The following ROBO2 variants were observed in gnomAD, a reference collection of about 807,000 sequenced individuals.
ROBO2 encodes roundabout homolog 2.
Under a neutral mutation model 160.8 loss-of-function variants are expected in ROBO2, and 53 were observed. That is an observed-to-expected ratio of 0.33 (90% CI 0.26 to 0.41). The LOEUF (loss-of-function observed/expected upper bound fraction) is 0.41. Among genes scored for constraint, ROBO2 ranks in the 10% least tolerant of loss-of-function variants. The pLI, the probability that ROBO2 is intolerant of heterozygous loss-of-function variation, is 1.00. For missense variants in ROBO2, 1,577 were observed against 1,722.4 expected, an observed-to-expected ratio of 0.92 and a Z score of 1.49; for synonymous variants, 664 against 611.7, an observed-to-expected ratio of 1.09 and a Z score of -1.26.
At chr3:76,305,846 C>CAA (rs556475405) in intron 2 of ROBO2, among the ~76,000 whole-genome samples, 3 of 138,998 alleles carry the variant, frequency 2.2e-5, no homozygotes, top group African/African-American at 7.9e-5. Context: ...GACTCCATCT[C>CAA]AAAAAAAAAA....
intron 24 of ROBO2, 83 bp downstream of exon 25, chr3:77,635,126 G>T: frequency 6.8e-7 from 1 of 1,475,136 alleles, no homozygotes; most frequent in Middle Eastern, 1.7e-4. Flanking sequence ...TGTAGTCATG[G>T]TAGATTAGCC....
At chr3:77,639,487 C>T (rs77645545) in intron 24 of ROBO2, among the ~76,000 whole-genome samples, 1,670 of 152,098 alleles carry the variant, frequency 0.011, 35 homozygotes, top group African/African-American at 0.039. Context: ...ACCAGGAAGT[C>T]AGCATTTCAG....
chr3:77,551,599 T>C (rs965569073), intron 8 of ROBO2, among the ~76,000 whole-genome samples: 1 of 152,072 alleles, frequency 6.6e-6, no homozygotes, highest in Non-Finnish European at 1.5e-5. Context: ...TCCCAGCAGT[T>C]TATTTGTCAC....
intron 2 of ROBO2, among the ~76,000 whole-genome samples, chr3:76,315,962 A>T (rs1212998104): frequency 2.0e-5 from 3 of 152,164 alleles, no homozygotes; most frequent in Non-Finnish European, 2.9e-5. Context: ...GGGTGACATC[A>T]CACATTGGTA....
chr3:77,345,012 C>A (rs2067476628), intron 2 of ROBO2, among the ~76,000 whole-genome samples: 1 of 151,988 alleles, frequency 6.6e-6, no homozygotes, highest in South Asian at 2.1e-4. Context: ...CAACAATAAG[C>A]ATGTATTAGC....
At chr3:77,086,268 CATTT>C (rs2069296084) in intron 1 of ROBO2, among the ~76,000 whole-genome samples, 1 of 151,984 alleles carries the variant, frequency 6.6e-6, no homozygotes. Context: ...TAGTAGGGAA[CATTT>C]ATTGAGTGCT....
At chr3:76,692,363 C>T (rs997667953) in intron 2 of ROBO2, among the ~76,000 whole-genome samples, 1 of 152,064 alleles carries the variant, frequency 6.6e-6, no homozygotes, top group African/African-American at 2.4e-5. Context: ...ATGAAACTCC[C>T]CAGTGCTGGT....
chr3:77,229,186 T>C (rs1398917364), intron 2 of ROBO2, among the ~76,000 whole-genome samples: 2 of 152,174 alleles, frequency 1.3e-5, no homozygotes, highest in African/African-American at 4.8e-5. Context: ...CAATGTTATA[T>C]AGCTATGTAT....
chr3:77,029,451 G>A (rs372954368), intron 2 of ROBO2, among the ~76,000 whole-genome samples: 7 of 152,114 alleles, frequency 4.6e-5, no homozygotes, highest in Non-Finnish European at 5.9e-5. Context: ...AAAGATGAGC[G>A]TTAAGCCTCT....
At chr3:76,791,930 A>T (rs1648796289) in intron 2 of ROBO2, among the ~76,000 whole-genome samples, 1 of 151,886 alleles carries the variant, frequency 6.6e-6, no homozygotes, top group South Asian at 2.1e-4. Flanking sequence ...ATAAATAATC[A>T]AGAGGTAATT....
chr3:76,460,783 G>A lies in ROBO2; in HGVS notation c.109+523181G>A, dbSNP rs181357906. Among the ~76,000 whole-genome samples the A allele has an allele frequency of 1.7e-3, 256 of 152,266 alleles. 1 individual carries two copies. The highest frequency in any genetic ancestry group is 3.1e-3 in the Non-Finnish European group (208 of 68,022). ...AGTTTCTGACCTGCGCAATATGTGAGAGAGAATACATGTTTACTGTTGTTT... is the reference window on the plus strand; with the variant it reads ...AGTTTCTGACCTGCGCAATATGTGAAAGAGAATACATGTTTACTGTTGTTT... On this transcript the variant is annotated intron_variant, in intron 2 of 26. Transcript: ENST00000487694.
chr3:76,272,758 T>C (rs1360403759), intron 2 of ROBO2, among the ~76,000 whole-genome samples: 16 of 55,036 alleles, frequency 2.9e-4, no homozygotes, highest in Non-Finnish European at 5.3e-4. Context: ...TATATAAATA[T>C]ATAATATATA....
chr3:76,761,007 T>C (rs2061276304), intron 2 of ROBO2, among the ~76,000 whole-genome samples: 2 of 151,790 alleles, frequency 1.3e-5, no homozygotes, highest in Admixed American at 6.6e-5. Flanking sequence ...ACCTTCTACA[T>C]CAGGAACACA....
intron 8 of ROBO2, among the ~76,000 whole-genome samples, chr3:77,554,340 A>G (rs960293048): frequency 1.3e-5 from 2 of 152,000 alleles, no homozygotes; most frequent in African/African-American, 2.4e-5. Flanking sequence ...ATGTACAAAG[A>G]GATTAATGTT....
chr3:76,173,358 T>A (rs537922613), intron 2 of ROBO2, among the ~76,000 whole-genome samples: 1 of 152,240 alleles, frequency 6.6e-6, no homozygotes, highest in East Asian at 1.9e-4. Flanking sequence ...TTTATTATTT[T>A]AATTGAAGTT....
At chr3:77,385,685 G>A (rs940771444) in intron 2 of ROBO2, among the ~76,000 whole-genome samples, 4 of 152,088 alleles carry the variant, frequency 2.6e-5, no homozygotes, top group Admixed American at 2.0e-4. Flanking sequence ...TGAGGTCTTT[G>A]GGATGAATTC....
intron 2 of ROBO2, among the ~76,000 whole-genome samples, chr3:76,967,230 C>CTT (rs572930053): frequency 4.3e-5 from 6 of 140,664 alleles, no homozygotes; most frequent in African/African-American, 7.8e-5. Context: ...CAAAATGTGC[C>CTT]TTTTTTTTTT....
chr3:76,406,628 A>C (rs1474646497), intron 2 of ROBO2, among the ~76,000 whole-genome samples: 1 of 151,848 alleles, frequency 6.6e-6, no homozygotes, highest in African/African-American at 2.4e-5. Flanking sequence ...ATAGTCACAC[A>C]AGTAAGCAAA....
chr3:77,438,707 A>C (rs2079590210), intron 2 of ROBO2, among the ~76,000 whole-genome samples: 1 of 152,054 alleles, frequency 6.6e-6, no homozygotes, highest in Non-Finnish European at 1.5e-5. Context: ...AAATGTAAAT[A>C]GCATTCTTGG....
Sources: gnomAD v4.1 joint callset for allele counts (sites outside exome capture counted in the v4.1 genomes callset) on GRCh38, gnomAD v4.1.1 for gene constraint, MANE v1.5 for transcripts, NCBI Gene and HGNC (gene_info 2026-07-23, HGNC 2026-07-21) for gene names.